The following ST7 variants were observed in gnomAD, a reference collection of about 807,000 sequenced individuals.
ST7 encodes the protein suppression of tumorigenicity 7, also known as suppressor of tumorigenicity 7 protein.
ST7 carries 28 observed loss-of-function variants against 78.7 expected under a neutral mutation model. The ratio of observed to expected loss-of-function variants is 0.36; its 90% CI spans 0.26 to 0.49. The LOEUF (loss-of-function observed/expected upper bound fraction) is 0.49, where lower values mean the gene tolerates loss of function less well. Ranked by LOEUF, ST7 falls within the 20% of genes least tolerant of loss-of-function variation. The pLI is 0.99. For synonymous variants in ST7, 247 were observed against 249.6 expected (o/e 0.99, Z 0.10); for missense variants, 418 against 696.0 (o/e 0.60, Z 4.49).
At chr7:117,157,447 G>A (rs573068225) in intron 9 of ST7, among the ~76,000 whole-genome samples, 18 of 152,280 alleles carry the variant, frequency 1.2e-4, no homozygotes, top group Middle Eastern at 3.4e-3. Context: ...AAAGTGAAGA[G>A]CAGTGTGTAG....
At chr7:117,048,833 G>A (rs1458861079) in intron 1 of ST7, among the ~76,000 whole-genome samples, 5 of 151,994 alleles carry the variant, frequency 3.3e-5, no homozygotes, top group Non-Finnish European at 7.4e-5. Flanking sequence ...TCTCCTCATA[G>A]CACTGACAGT....
intron 1 of ST7, among the ~76,000 whole-genome samples, chr7:117,093,224 G>A (rs911277007): frequency 6.6e-6 from 1 of 152,132 alleles, no homozygotes; most frequent in Admixed American, 6.5e-5. Context: ...GTTTTGTAGG[G>A]CATCCATATT....
At chr7:117,182,019 A>G (rs1808808515) in intron 10 of ST7, among the ~76,000 whole-genome samples, 1 of 152,232 alleles carries the variant, frequency 6.6e-6, no homozygotes, top group African/African-American at 2.4e-5. Flanking sequence ...ATATCATTGC[A>G]GACTGTTGCA....
At chr7:116,999,847 G>GTCACCCA (rs909340134) in intron 1 of ST7, among the ~76,000 whole-genome samples, 2 of 119,566 alleles carry the variant, frequency 1.7e-5, no homozygotes, top group Admixed American at 1.1e-4. Context: ...GTCTCGCTGT[G>GTCACCCA]TCACCCAGAC....
intron 12 of ST7, among the ~76,000 whole-genome samples, chr7:117,195,152 T>C (rs1251766072): frequency 7.0e-6 from 1 of 142,594 alleles, no homozygotes; most frequent in Non-Finnish European, 1.5e-5. Context: ...ACTTTTACTA[T>C]TTAAAAAAAA....
At chr7:117,027,463 A>AAAAGTAAAGTAAAGTAAAGT (rs71148357) in intron 1 of ST7, among the ~76,000 whole-genome samples, 22,331 of 140,628 alleles carry the variant, frequency 0.16, 2,106 homozygotes, top group East Asian at 0.22. Context: ...AAAGTAAAGT[A>AAAAGTAAAGTAAAGTAAAGT]AAAGTAAAGT....
intron 9 of ST7, among the ~76,000 whole-genome samples, chr7:117,145,883 C>T (rs575656511): frequency 3.9e-5 from 6 of 152,322 alleles, no homozygotes; most frequent in Non-Finnish European, 7.3e-5. Context: ...GTTAAACCCA[C>T]TCTCAGCCTA....
At chr7:117,020,384 G>T (rs1795827415) in intron 1 of ST7, 2 of 526,418 alleles carry the variant, frequency 3.8e-6, no homozygotes, top group Non-Finnish European at 3.2e-6. Flanking sequence ...TTTTGGTGCT[G>T]TTAAGAGACC....
chr7:117,048,268 A>G (rs1366754662), intron 1 of ST7, among the ~76,000 whole-genome samples: 1 of 152,176 alleles, frequency 6.6e-6, no homozygotes, highest in Non-Finnish European at 1.5e-5. Context: ...TAACTTTACA[A>G]AAATACATCA....
intron 9 of ST7, among the ~76,000 whole-genome samples, chr7:117,165,413 T>G (rs1807470581): frequency 6.6e-6 from 1 of 152,150 alleles, no homozygotes; most frequent in Non-Finnish European, 1.5e-5. Flanking sequence ...TACCTATACC[T>G]TGTCCAAGGT....
At chr7:117,050,009 A>G (rs1797690470) in intron 1 of ST7, among the ~76,000 whole-genome samples, 1 of 151,444 alleles carries the variant, frequency 6.6e-6, no homozygotes, top group Non-Finnish European at 1.5e-5. Context: ...GATTGAGACC[A>G]TCCCGGCTAA....
chr7:117,071,167 C>T (rs1798932064), intron 1 of ST7, among the ~76,000 whole-genome samples: 2 of 152,152 alleles, frequency 1.3e-5, no homozygotes, highest in South Asian at 2.1e-4. Context: ...TGCAGTGAGC[C>T]GAGATCGCGC....
At chr7:116,976,411 C>A (rs1793707853) in intron 1 of ST7, among the ~76,000 whole-genome samples, 2 of 152,334 alleles carry the variant, frequency 1.3e-5, no homozygotes, top group South Asian at 4.1e-4. Context: ...GGACTTCAGG[C>A]ACTGAGCTCC....
chr7:117,118,140 G>A (rs1019345480), intron 2 of ST7, among the ~76,000 whole-genome samples: 4 of 152,204 alleles, frequency 2.6e-5, no homozygotes, highest in African/African-American at 9.7e-5. Context: ...AATCTTAAGT[G>A]CTCCAAAATC....
At chr7:117,029,861 C>T (rs11762090) in intron 1 of ST7, among the ~76,000 whole-genome samples, 143,928 of 152,142 alleles carry the variant, frequency 0.95, 68,622 homozygotes, top group East Asian at 1. Flanking sequence ...GTCAGTTCAC[C>T]CTATATTTCT....
At chr7:117,088,350 A>G (rs1389976931) in intron 1 of ST7, among the ~76,000 whole-genome samples, 3 of 152,176 alleles carry the variant, frequency 2.0e-5, no homozygotes, top group Admixed American at 6.6e-5. Flanking sequence ...TTCTGCCCCC[A>G]GTGTCTAGTT....
At chr7:117,041,933 C>T (rs540126733) in intron 1 of ST7, among the ~76,000 whole-genome samples, 7 of 152,092 alleles carry the variant, frequency 4.6e-5, no homozygotes, top group Non-Finnish European at 8.8e-5. Flanking sequence ...CCTTAAATGT[C>T]GAAGAGGAAG....
intron 1 of ST7, among the ~76,000 whole-genome samples, chr7:116,986,484 TAATA>T (rs1241038503): frequency 2.0e-5 from 3 of 152,146 alleles, no homozygotes. Flanking sequence ...TAGTAGGAAA[TAATA>T]AATCATTTTC....
At chr7:117,097,906 A>ATTTTTTTTTT (rs1353568782) in intron 1 of ST7, among the ~76,000 whole-genome samples, 4 of 30,952 alleles carry the variant, frequency 1.3e-4, no homozygotes, top group African/African-American at 5.4e-4. Flanking sequence ...ATATATATAT[A>ATTTTTTTTTT]TATTTTTTTT....
Sources: allele counts gnomAD v4.1 joint callset (sites outside exome capture counted in the v4.1 genomes callset), GRCh38; gene constraint gnomAD v4.1.1; transcripts MANE v1.5; gene names NCBI Gene and HGNC (gene_info 2026-07-23, HGNC 2026-07-21).